NXPH1: variants seen among roughly 807,000 people sequenced by gnomAD.
NXPH1 encodes neurexophilin 1, also known as neurexophilin-1.
NXPH1 carries 5 observed loss-of-function variants against 23.7 expected under a neutral mutation model. The observed-to-expected ratio is 0.21, with a 90% CI of 0.11 to 0.44. The LOEUF is 0.44. Ranked by LOEUF, NXPH1 falls within the 20% of genes least tolerant of loss-of-function variation. The pLI is 0.99. For missense variants in NXPH1, 324 were observed against 321.6 expected, an observed-to-expected ratio of 1.01 and a Z score of -0.06; for synonymous variants, 144 against 122.2, an observed-to-expected ratio of 1.18 and a Z score of -1.18.
chr7:8,565,585 A>T (rs1013446888), intron 2 of NXPH1, among the ~76,000 whole-genome samples: 1 of 151,842 alleles, frequency 6.6e-6, no homozygotes, highest in Non-Finnish European at 1.5e-5. Flanking sequence ...ACTAGATGTT[A>T]GTTTACTTTT....
At chr7:8,490,023 G>A (rs1327809066) in intron 2 of NXPH1, among the ~76,000 whole-genome samples, 2 of 151,994 alleles carry the variant, frequency 1.3e-5, no homozygotes, top group Non-Finnish European at 2.9e-5. Flanking sequence ...AAAAGCCAGA[G>A]GCTATTGTAT....
chr7:8,476,290 C>T (rs562285702), intron 2 of NXPH1, among the ~76,000 whole-genome samples: 1 of 152,220 alleles, frequency 6.6e-6, no homozygotes, highest in Admixed American at 6.5e-5. Flanking sequence ...ATGCCCTGTT[C>T]TTTCTCTGTC....
At chr7:8,454,547 G>A (rs1159059161) in intron 2 of NXPH1, among the ~76,000 whole-genome samples, 1 of 152,114 alleles carries the variant, frequency 6.6e-6, no homozygotes, top group Non-Finnish European at 1.5e-5. Context: ...GGCCAGTCAT[G>A]GAGCTAGATG....
At chr7:8,735,042 C>A (rs1278536788) in intron 2 of NXPH1, among the ~76,000 whole-genome samples, 1 of 152,168 alleles carries the variant, frequency 6.6e-6, no homozygotes. Context: ...ACATTTTGGG[C>A]TGAGACCATG....
intron 2 of NXPH1, among the ~76,000 whole-genome samples, chr7:8,656,624 T>C (rs967210194): frequency 1.3e-5 from 2 of 151,926 alleles, no homozygotes; most frequent in African/African-American, 4.8e-5. Context: ...ACATGTGTCA[T>C]GCTGGTGCGC....
At chr7:8,693,436 T>C (rs767193750) in intron 2 of NXPH1, among the ~76,000 whole-genome samples, 18 of 152,188 alleles carry the variant, frequency 1.2e-4, no homozygotes, top group Non-Finnish European at 2.1e-4. Context: ...GTCTAAATCA[T>C]AGTGACCCTA....
chr7:8,647,890 G>A (rs2349506), intron 2 of NXPH1, among the ~76,000 whole-genome samples: 105,250 of 151,460 alleles, frequency 0.69, 37,352 homozygotes, highest in East Asian at 1. Context: ...CCCTATGACT[G>A]TGTTTAAAAA....
intron 2 of NXPH1, among the ~76,000 whole-genome samples, chr7:8,531,967 G>A (rs1459471505): frequency 2.0e-5 from 3 of 152,134 alleles, no homozygotes; most frequent in Non-Finnish European, 4.4e-5. Context: ...GGGATGGTCA[G>A]GATAACTACT....
intron 2 of NXPH1, among the ~76,000 whole-genome samples, chr7:8,564,160 C>T (rs1006703404): frequency 2.0e-5 from 3 of 151,760 alleles, no homozygotes; most frequent in Admixed American, 6.6e-5. Context: ...CATCAATCAC[C>T]TTGCCATCCG....
chr7:8,617,317 A>G (rs1819765685), intron 2 of NXPH1, among the ~76,000 whole-genome samples: 1 of 152,138 alleles, frequency 6.6e-6, no homozygotes, highest in Admixed American at 6.6e-5. Context: ...TTCCTATAAA[A>G]GAAAGGAAAT....
intron 2 of NXPH1, among the ~76,000 whole-genome samples, chr7:8,737,443 A>C (rs897472006): frequency 6.6e-6 from 1 of 152,160 alleles, no homozygotes; most frequent in Non-Finnish European, 1.5e-5. Flanking sequence ...TTTGTTTAAG[A>C]ATGTTAAATA....
intron 2 of NXPH1, among the ~76,000 whole-genome samples, chr7:8,593,595 A>G (rs1015685908): frequency 2.6e-4 from 39 of 152,198 alleles, no homozygotes; most frequent in African/African-American, 9.1e-4. Flanking sequence ...AAGAGCTTTC[A>G]AAATCTAAAT....
intron 2 of NXPH1, among the ~76,000 whole-genome samples, chr7:8,735,606 G>C (rs1780237172): frequency 6.6e-6 from 1 of 152,060 alleles, no homozygotes; most frequent in Non-Finnish European, 1.5e-5. Context: ...TTCATTTTTT[G>C]TTGTGTCTCT....
At chr7:8,552,327 G>A (rs1167388043) in intron 2 of NXPH1, among the ~76,000 whole-genome samples, 3 of 151,228 alleles carry the variant, frequency 2.0e-5, no homozygotes, top group East Asian at 2.0e-4. Context: ...TATACTCAGA[G>A]GTTTCTATGT....
At chr7:8,478,144 A>T (rs775133815) in intron 2 of NXPH1, among the ~76,000 whole-genome samples, 3 of 152,080 alleles carry the variant, frequency 2.0e-5, no homozygotes, top group Non-Finnish European at 4.4e-5. Flanking sequence ...CTTGCATGAG[A>T]ACTTGCAAAA....
chr7:8,751,863 A>G lies in NXPH1; in HGVS notation c.*94A>G. 5.8e-6 allele frequency: 7 copies of G among 1,210,686 alleles called. No homozygotes were observed. The highest frequency in any genetic ancestry group is 7.9e-6 in the Non-Finnish European group (7 of 885,902). The allele number at this position is 1,210,686 out of a possible 1,614,324, so 75.0% of individuals were successfully genotyped here. A position where few individuals can be genotyped will look rare whatever the true frequency, so the allele number is the denominator to read the frequency against. Reference sequence around the variant, plus strand: ...GAAGAAGGTCACATCTGTTGCCTGGAATGTGTCTACACTGCTGCTCTTGTC... The same window carrying G: ...GAAGAAGGTCACATCTGTTGCCTGGGATGTGTCTACACTGCTGCTCTTGTC... On this transcript the variant is annotated 3_prime_UTR_variant, in exon 3 of 3. Coordinates refer to ENST00000405863, the MANE Select transcript of NXPH1 (RefSeq NM_152745.3). This position sits in a 1 kb window ranked among gnomAD's most constrained non-coding sequence, Gnocchi z 4.5.
At chr7:8,723,374 T>C (rs1779999927) in intron 2 of NXPH1, among the ~76,000 whole-genome samples, 1 of 152,232 alleles carries the variant, frequency 6.6e-6, no homozygotes, top group Admixed American at 6.5e-5. Flanking sequence ...TAGAATATGA[T>C]GCTAACTTTC....
At chr7:8,719,839 TAAAA>T (rs1292604103) in intron 2 of NXPH1, among the ~76,000 whole-genome samples, 2 of 151,920 alleles carry the variant, frequency 1.3e-5, no homozygotes, top group Non-Finnish European at 2.9e-5. Context: ...TGAGTAAAAA[TAAAA>T]TAAAAAATAC....
At chr7:8,731,295 C>T (rs939194970) in intron 2 of NXPH1, among the ~76,000 whole-genome samples, 2 of 152,162 alleles carry the variant, frequency 1.3e-5, no homozygotes, top group African/African-American at 2.4e-5. Flanking sequence ...AATGTCCTCC[C>T]GTAGCTCAGA....
Sources: allele counts gnomAD v4.1 joint callset (sites outside exome capture counted in the v4.1 genomes callset), GRCh38; gene constraint gnomAD v4.1.1; non-coding constraint Gnocchi (gnomAD v3.1); transcripts MANE v1.5; gene names NCBI Gene and HGNC (gene_info 2026-07-23, HGNC 2026-07-21).